The following GRB10 variants were observed in gnomAD, a reference collection of about 807,000 sequenced individuals.
GRB10 encodes growth factor receptor bound protein 10.
GRB10 carries 20 observed loss-of-function variants against 80.9 expected under a neutral mutation model. The observed-to-expected ratio is 0.25, with a 90% CI of 0.17 to 0.36. The LOEUF (loss-of-function observed/expected upper bound fraction) is 0.36. GRB10 is among the 10% of genes least tolerant of loss of function. The pLI is 1.00. For missense variants in GRB10, 548 were observed against 747.7 expected (o/e 0.73, Z 3.12); for synonymous variants, 291 against 291.5 (o/e 1.00, Z 0.02).
intron 5 of GRB10, among the ~76,000 whole-genome samples, chr7:50,689,600 C>T (rs2062541650): frequency 6.6e-6 from 1 of 152,170 alleles, no homozygotes; most frequent in Non-Finnish European, 1.5e-5. Context: ...ACTGAAATGT[C>T]TGCTCCTCAG....
At chr7:50,673,819 A>C (rs1586714874) in intron 6 of GRB10, among the ~76,000 whole-genome samples, 1 of 152,274 alleles carries the variant, frequency 6.6e-6, no homozygotes, top group Non-Finnish European at 1.5e-5. Context: ...CCCCATCTGC[A>C]TCATCTCTTC....
chr7:50,617,989 T>A, intron 10 of GRB10, 82 bp downstream of exon 10: 1 of 1,190,216 alleles, frequency 8.4e-7, no homozygotes, highest in Non-Finnish European at 1.3e-6. Context: ...CTCTTTAGGT[T>A]TTTTACAATG....
chr7:50,633,496 G>A (rs2054388084), intron 7 of GRB10, among the ~76,000 whole-genome samples: 1 of 152,142 alleles, frequency 6.6e-6, no homozygotes, highest in South Asian at 2.1e-4. Flanking sequence ...AAGAACTCCA[G>A]CTCCATGAAG....
At chr7:50,784,181 T>A (rs902108804), upstream of GRB10, among the ~76,000 whole-genome samples, 17 of 152,154 alleles carry the variant, frequency 1.1e-4, no homozygotes, top group Admixed American at 1.1e-3. Flanking sequence ...AGAGAAGATG[T>A]CACATAGTGA....
chr7:50,747,340 A>G (rs2153699285), intron 3 of GRB10, among the ~76,000 whole-genome samples: 1 of 152,312 alleles, frequency 6.6e-6, no homozygotes, highest in East Asian at 1.9e-4. Context: ...GTTCCCTCCA[A>G]ATCCACAAAA....
intron 2 of GRB10, among the ~76,000 whole-genome samples, chr7:50,766,600 G>A (rs1217480280): frequency 1.4e-4 from 9 of 64,252 alleles, no homozygotes; most frequent in Admixed American, 1.1e-3. Context: ...TGTGCGAGGA[G>A]TAAATAGTTT....
chr7:50,672,100 C>A (rs768728832), intron 6 of GRB10, among the ~76,000 whole-genome samples: 2 of 152,232 alleles, frequency 1.3e-5, no homozygotes, highest in Admixed American at 6.5e-5. Context: ...GCTCACCCAT[C>A]GGCTTTCCTA....
chr7:50,722,332 C>T (rs1252465569), intron 4 of GRB10, among the ~76,000 whole-genome samples: 1 of 152,144 alleles, frequency 6.6e-6, no homozygotes, highest in Non-Finnish European at 1.5e-5. Context: ...TAGAAAGGTC[C>T]CCTGGAAGGC....
rs149378817 is a variant in GRB10 at position 50,709,713 on chromosome 7, G to A, written c.52-5805C>T. ...AGAGTACACATAAAAAGTGACTCGT[G>A]GGAGGAAGAAAATGGTGAGCTGTGC... On this transcript the variant is annotated intron_variant, in intron 4 of 18. Transcript: ENST00000401949. Among the ~76,000 whole-genome samples, 726 of 152,184 alleles carry A rather than the reference G, an allele frequency of 4.8e-3. 5 individuals carry two copies. The highest frequency in any genetic ancestry group is 0.015 in the African/African-American group (608 of 41,494).
chr7:50,767,250 A>G (rs1350091931), intron 2 of GRB10, among the ~76,000 whole-genome samples: 1 of 152,194 alleles, frequency 6.6e-6, no homozygotes, highest in African/African-American at 2.4e-5. Context: ...TGCCCAAGGC[A>G]GGAGTACCAG....
At chr7:50,764,275 C>T (rs2076096233) in intron 2 of GRB10, among the ~76,000 whole-genome samples, 1 of 152,210 alleles carries the variant, frequency 6.6e-6, no homozygotes, top group Non-Finnish European at 1.5e-5. Flanking sequence ...ATAGCTCAGC[C>T]CTTGGCTGCC....
At chr7:50,597,719 G>T (rs1278912312) in intron 17 of GRB10, among the ~76,000 whole-genome samples, 1 of 152,228 alleles carries the variant, frequency 6.6e-6, no homozygotes, top group Non-Finnish European at 1.5e-5. Flanking sequence ...AATGCCTGAA[G>T]GTTGTCTATC....
intron 4 of GRB10, among the ~76,000 whole-genome samples, chr7:50,719,190 T>C (rs995149641): frequency 2.0e-5 from 3 of 152,174 alleles, no homozygotes; most frequent in Non-Finnish European, 4.4e-5. Context: ...GGGCGGAGAC[T>C]GCAATTTACA....
intron 18 of GRB10, among the ~76,000 whole-genome samples, chr7:50,594,703 T>C (rs745306442): frequency 2.0e-5 from 3 of 152,220 alleles, no homozygotes; most frequent in Non-Finnish European, 4.4e-5. Context: ...TTGTAGGCGC[T>C]GATCTAGCAC....
chr7:50,676,326 C>T (rs1026595704), intron 5 of GRB10, among the ~76,000 whole-genome samples: 1 of 56,562 alleles, frequency 1.8e-5, no homozygotes, highest in Non-Finnish European at 3.8e-5. Context: ...GCAATAGTGT[C>T]CACCCCACCG....
chr7:50,634,775 C>A lies in GRB10; in HGVS notation c.505-7797G>T, dbSNP rs566027283. On this transcript the variant is annotated intron_variant, in intron 7 of 18. Transcript: ENST00000401949. ...GATAAAACAGACTTTAAGCTAACAA[C>A]AGTTTTAGAAAAAGAGACAATGAAG... 2.0e-5 allele frequency among the ~76,000 whole-genome samples: 3 copies of A among 152,246 alleles called. No homozygotes were observed. In the East Asian group the frequency reaches 5.8e-4, roughly 29 times the overall value.
At chr7:50,701,905 G>A (rs994151692) in intron 5 of GRB10, among the ~76,000 whole-genome samples, 4 of 150,946 alleles carry the variant, frequency 2.6e-5, no homozygotes, top group African/African-American at 9.7e-5. Context: ...TCAAAGCCAT[G>A]GTCACACTTT....
intron 5 of GRB10, among the ~76,000 whole-genome samples, chr7:50,682,712 A>C (rs2061679778): frequency 6.6e-6 from 1 of 152,232 alleles, no homozygotes; most frequent in African/African-American, 2.4e-5. Flanking sequence ...AATATATTTG[A>C]ATCAGAGAGG....
At chr7:50,609,549 A>G (rs145383719) in intron 13 of GRB10, among the ~76,000 whole-genome samples, 6 of 152,338 alleles carry the variant, frequency 3.9e-5, no homozygotes, top group African/African-American at 7.2e-5. Context: ...AAAAGATTAA[A>G]TGGTAATAAA....
Sources: allele counts gnomAD v4.1 joint callset (sites outside exome capture counted in the v4.1 genomes callset), GRCh38; gene constraint gnomAD v4.1.1; transcripts MANE v1.5; gene names NCBI Gene and HGNC (gene_info 2026-07-23, HGNC 2026-07-21).